Variants in CYTH1 observed in about 807,000 individuals in gnomAD.
The protein encoded by CYTH1 is cytohesin 1.
A neutral mutation model predicts 61.8 loss-of-function variants in CYTH1; 18 were observed. The ratio of observed to expected loss-of-function variants is 0.29; its 90% CI spans 0.20 to 0.43. The LOEUF is 0.43. Among genes scored for constraint, CYTH1 ranks in the 20% least tolerant of loss-of-function variants. CYTH1 has a pLI of 1.00. For synonymous variants in CYTH1, 174 were observed against 184.3 expected (o/e 0.94, Z 0.45); for missense variants, 336 against 510.5 (o/e 0.66, Z 3.29).
intron 10 of CYTH1, among the ~76,000 whole-genome samples, chr17:78,695,474 T>C (rs2092929136): frequency 6.6e-6 from 1 of 152,222 alleles, no homozygotes. Flanking sequence ...TCATCTAATT[T>C]AGTTCTTTCC....
chr17:78,720,404 T>C (rs1204515513), intron 1 of CYTH1, among the ~76,000 whole-genome samples: 1 of 152,116 alleles, frequency 6.6e-6, no homozygotes, highest in African/African-American at 2.4e-5. Context: ...CTGCAACCTC[T>C]GCCTCCTGGG....
chr17:78,676,014 A>G lies in CYTH1; in HGVS notation c.*77T>C. The stretch of plus-strand genomic sequence containing the variant: ...CCTGGCAGAGGACGCTCTGCTCGGC[A>G]GCAGTGCATCCATGGAGGTGCGGGA... On this transcript the variant is annotated 3_prime_UTR_variant, in exon 14 of 14. Coordinates refer to ENST00000446868, the MANE Select transcript of CYTH1 (RefSeq NM_004762.6). 2 of 1,556,756 alleles carry G rather than the reference A, an allele frequency of 1.3e-6. No homozygotes were observed. The highest frequency in any genetic ancestry group is 1.7e-6 in the Non-Finnish European group (2 of 1,149,122).
At chr17:78,720,604 C>T (rs2093219855) in intron 1 of CYTH1, among the ~76,000 whole-genome samples, 1 of 152,222 alleles carries the variant, frequency 6.6e-6, no homozygotes, top group Non-Finnish European at 1.5e-5. Flanking sequence ...CAGGCGTGAG[C>T]CATCGCACCC....
intron 1 of CYTH1, among the ~76,000 whole-genome samples, chr17:78,766,088 A>G (rs999550147): frequency 5.1e-5 from 2 of 39,410 alleles, no homozygotes; most frequent in Non-Finnish European, 5.9e-5. Flanking sequence ...ATCTCTACAG[A>G]AAAAAAAAAA....
chr17:78,774,255 A>G (rs577700440), intron 1 of CYTH1, among the ~76,000 whole-genome samples: 1 of 152,350 alleles, frequency 6.6e-6, no homozygotes, highest in East Asian at 1.9e-4. Flanking sequence ...TATATCTTAA[A>G]GACCACAAAG....
intron 1 of CYTH1, among the ~76,000 whole-genome samples, chr17:78,731,769 AAAC>A (rs1567865377): frequency 2.0e-5 from 3 of 151,852 alleles, no homozygotes; most frequent in African/African-American, 7.2e-5. Context: ...AAAAAAAAAA[AAAC>A]AAAAAAAAAC....
At chr17:78,740,924 A>G (rs1428106936) in intron 1 of CYTH1, among the ~76,000 whole-genome samples, 1 of 152,228 alleles carries the variant, frequency 6.6e-6, no homozygotes, top group Non-Finnish European at 1.5e-5. Context: ...AGTACACTTT[A>G]AAATAACTAA....
At chr17:78,760,766 G>A (rs1377104604) in intron 1 of CYTH1, among the ~76,000 whole-genome samples, 1 of 151,354 alleles carries the variant, frequency 6.6e-6, no homozygotes, top group African/African-American at 2.4e-5. Flanking sequence ...AAAAGTTACA[G>A]GTATCAAGTA....
chr17:78,721,478 A>C (rs899525089), intron 1 of CYTH1, among the ~76,000 whole-genome samples: 1 of 152,264 alleles, frequency 6.6e-6, no homozygotes, highest in African/African-American at 2.4e-5. Flanking sequence ...TTCTAATTTA[A>C]ATTTCTTCCA....
chr17:78,718,078 T>G (rs1411126832), intron 1 of CYTH1, among the ~76,000 whole-genome samples: 3 of 152,138 alleles, frequency 2.0e-5, no homozygotes, highest in Non-Finnish European at 2.9e-5. Context: ...GGTAACTACC[T>G]TAGTCAGAGT....
chr17:78,696,890 T>A (rs1895291354), intron 9 of CYTH1: 1 of 152,158 alleles, frequency 6.6e-6, no homozygotes, highest in Non-Finnish European at 1.5e-5. Flanking sequence ...TCCTTTCAAC[T>A]CCATCCACTT....
chr17:78,702,337 G>A, intron 4 of CYTH1, 97 bp from the exon 5 acceptor site: 1 of 1,107,080 alleles, frequency 9.0e-7, no homozygotes, highest in Non-Finnish European at 1.3e-6. Context: ...GGGTGCACTG[G>A]AATATTTAAT....
chr17:78,721,664 C>T (rs952543445), intron 1 of CYTH1, among the ~76,000 whole-genome samples: 1 of 152,230 alleles, frequency 6.6e-6, no homozygotes, highest in South Asian at 2.1e-4. Context: ...ACTTTGTGAC[C>T]TGGAGCAAAC....
chr17:78,694,475 G>A (rs2092918968), intron 10 of CYTH1, among the ~76,000 whole-genome samples: 1 of 152,174 alleles, frequency 6.6e-6, no homozygotes, highest in South Asian at 2.1e-4. Flanking sequence ...GAAAGCCCGG[G>A]CAGAATTAAA....
Position 78,696,968 on chromosome 17 carries a change from T to C in CYTH1, c.812-959A>G, listed in dbSNP as rs111816501. ...AATTTTAGAGCCTTAACTTCAAAGA[T>C]TCTGGGGGCTTAAAGATATATAAAA... On this transcript the variant is annotated intron_variant, in intron 9 of 13. Coordinates refer to ENST00000446868, the MANE Select transcript of CYTH1 (RefSeq NM_004762.6). Among the ~76,000 whole-genome samples the C allele has an allele frequency of 8.7e-3, 1,331 of 152,272 alleles. 10 individuals are homozygous for C. The highest frequency in any genetic ancestry group is 0.03 in the African/African-American group (1,239 of 41,548).
chr17:78,772,984 C>T (rs1389707756), intron 1 of CYTH1, among the ~76,000 whole-genome samples: 1 of 152,142 alleles, frequency 6.6e-6, no homozygotes, highest in African/African-American at 2.4e-5. Context: ...CAGGCACCAC[C>T]ACACCCGGCT....
chr17:78,709,151 G>A (rs2093100535), intron 2 of CYTH1: 1 of 154,408 alleles, frequency 6.5e-6, no homozygotes, highest in African/African-American at 2.4e-5. Flanking sequence ...CAGAAATTAT[G>A]CTGTCTTTCA....
chr17:78,756,113 TCA>T, intron 1 of CYTH1, among the ~76,000 whole-genome samples: 1 of 150,386 alleles, frequency 6.6e-6, no homozygotes, highest in African/African-American at 2.4e-5. Flanking sequence ...TCTTGCTGTG[TCA>T]CCTAGGCTGG....
intron 1 of CYTH1, among the ~76,000 whole-genome samples, chr17:78,714,039 T>C (rs948129449): frequency 2.0e-5 from 3 of 152,122 alleles, no homozygotes; most frequent in Non-Finnish European, 2.9e-5. Flanking sequence ...CCTGTAATCC[T>C]AGCACTTTGG....
Sources: gnomAD v4.1 joint callset for allele counts (sites outside exome capture counted in the v4.1 genomes callset) on GRCh38, gnomAD v4.1.1 for gene constraint, MANE v1.5 for transcripts, NCBI Gene and HGNC (gene_info 2026-07-23, HGNC 2026-07-21) for gene names.